Variants in THSD7A observed in about 807,000 individuals in gnomAD.
THSD7A encodes the protein thrombospondin type 1 domain containing 7A.
In THSD7A, 96 loss-of-function variants were observed where a neutral mutation model predicts 231.3. The ratio of observed to expected loss-of-function variants is 0.41; its 90% CI spans 0.35 to 0.49. THSD7A has a LOEUF of 0.49. Ranked by LOEUF, THSD7A falls within the 20% of genes least tolerant of loss-of-function variation. The pLI is 0.05. For synonymous variants in THSD7A, 940 were observed against 743.3 expected, an observed-to-expected ratio of 1.26 and a Z score of -4.30; for missense variants, 2,290 against 2,070.2, an observed-to-expected ratio of 1.11 and a Z score of -2.06.
At chr7:11,645,244 T>C (rs1481114852) in intron 1 of THSD7A, among the ~76,000 whole-genome samples, 1 of 151,856 alleles carries the variant, frequency 6.6e-6, no homozygotes, top group African/African-American at 2.4e-5. Flanking sequence ...TTGGTTTCTA[T>C]ATTTTCCAGC....
chr7:11,739,512 G>C (rs1230732047), intron 1 of THSD7A, among the ~76,000 whole-genome samples: 1 of 151,952 alleles, frequency 6.6e-6, no homozygotes, highest in African/African-American at 2.4e-5. Context: ...TTGATAGCCA[G>C]ATGAGTACCA....
chr7:11,666,610 A>C (rs1051937539), intron 1 of THSD7A, among the ~76,000 whole-genome samples: 1 of 151,998 alleles, frequency 6.6e-6, no homozygotes, highest in Admixed American at 6.6e-5. Context: ...TGAATTTATC[A>C]GAATAATAAA....
chr7:11,505,235 G>T (rs1198010877), intron 6 of THSD7A, among the ~76,000 whole-genome samples: 1 of 152,090 alleles, frequency 6.6e-6, no homozygotes, highest in East Asian at 1.9e-4. Flanking sequence ...GAAAATAATA[G>T]TTTAAGTTTT....
chr7:11,507,730 T>G (rs1787613347), intron 6 of THSD7A, among the ~76,000 whole-genome samples: 1 of 152,188 alleles, frequency 6.6e-6, no homozygotes, highest in African/African-American at 2.4e-5. Flanking sequence ...TCTGTTTATA[T>G]ATACAGTGGA....
chr7:11,718,194 A>T (rs543517057), intron 1 of THSD7A, among the ~76,000 whole-genome samples: 1 of 151,744 alleles, frequency 6.6e-6, no homozygotes, highest in South Asian at 2.1e-4. Context: ...AAATTTATGA[A>T]AGAACTAAAA....
chr7:11,612,746 C>A (rs1323219926), intron 2 of THSD7A, among the ~76,000 whole-genome samples: 2 of 152,122 alleles, frequency 1.3e-5, no homozygotes, highest in South Asian at 4.1e-4. Context: ...CATATCCTAA[C>A]CAAAACCTAA....
intron 6 of THSD7A, among the ~76,000 whole-genome samples, chr7:11,538,348 T>A (rs1199390075): frequency 6.6e-6 from 1 of 151,888 alleles, no homozygotes; most frequent in African/African-American, 2.4e-5. Context: ...GACAGCATCA[T>A]TTTTTTTGGC....
At chr7:11,601,875 A>G (rs73676041) in intron 2 of THSD7A, among the ~76,000 whole-genome samples, 7,391 of 152,276 alleles carry the variant, frequency 0.049, 531 homozygotes, top group East Asian at 0.25. Context: ...AGCCTTCAAG[A>G]GGTTAGAAAA....
intron 12 of THSD7A, 145 bp downstream of exon 12, chr7:11,447,085 A>T: frequency 1.3e-6 from 1 of 786,184 alleles, no homozygotes. Context: ...TAATGCTTTT[A>T]TCACTGCCAG....
At chr7:11,740,906 A>G (rs17165146) in intron 1 of THSD7A, among the ~76,000 whole-genome samples, 29,741 of 151,908 alleles carry the variant, frequency 0.2, 3,795 homozygotes, top group African/African-American at 0.36. Flanking sequence ...TATTTGCAGT[A>G]TTTGCTGAAT....
chr7:11,574,639 T>C (rs1323416945), intron 4 of THSD7A, among the ~76,000 whole-genome samples: 1 of 151,150 alleles, frequency 6.6e-6, no homozygotes, highest in African/African-American at 2.4e-5. Context: ...GATTTCACCA[T>C]GTTAGCCAGG....
At chr7:11,765,640 T>G (rs1783008483) in intron 1 of THSD7A, among the ~76,000 whole-genome samples, 1 of 152,184 alleles carries the variant, frequency 6.6e-6, no homozygotes, top group African/African-American at 2.4e-5. Context: ...AGTCACACAT[T>G]CTGTCACTAA....
At chr7:11,586,787 C>T (rs990489969) in intron 4 of THSD7A, among the ~76,000 whole-genome samples, 4 of 152,062 alleles carry the variant, frequency 2.6e-5, no homozygotes, top group Admixed American at 6.5e-5. Flanking sequence ...ACCTTTCCGT[C>T]TATCCATTCA....
intron 1 of THSD7A, among the ~76,000 whole-genome samples, chr7:11,658,706 C>T (rs1056361825): frequency 2.0e-5 from 3 of 151,528 alleles, no homozygotes; most frequent in Admixed American, 6.6e-5. Flanking sequence ...GATTTTATAC[C>T]CTAAAAATTC....
intron 1 of THSD7A, among the ~76,000 whole-genome samples, chr7:11,668,523 AAGAC>A (rs1363655677): frequency 8.2e-5 from 9 of 110,340 alleles, no homozygotes; most frequent in East Asian, 5.0e-4. Context: ...GAAAAAAAGA[AAGAC>A]AGAAAGAAAG....
chr7:11,704,846 G>A (rs1780714533), intron 1 of THSD7A, among the ~76,000 whole-genome samples: 1 of 150,940 alleles, frequency 6.6e-6, no homozygotes, highest in African/African-American at 2.4e-5. Context: ...TTGTGTGGTG[G>A]TTTGAGAATC....
chr7:11,659,813 A>G (rs1299437544), intron 1 of THSD7A, among the ~76,000 whole-genome samples: 2 of 151,658 alleles, frequency 1.3e-5, no homozygotes, highest in Non-Finnish European at 1.5e-5. Context: ...CAATGAGCAC[A>G]CTACCTTAAT....
chr7:11,610,386 TAGATAACC>T (rs1780883688), intron 2 of THSD7A, among the ~76,000 whole-genome samples: 1 of 152,114 alleles, frequency 6.6e-6, no homozygotes, highest in Non-Finnish European at 1.5e-5. Flanking sequence ...AAGCATGATG[TAGATAACC>T]AAACAGGAAG....
chr7:11,800,237 ACTATTCAGTCTTTAAAAACATC>A (rs757223481), intron 1 of THSD7A, among the ~76,000 whole-genome samples: 1 of 152,128 alleles, frequency 6.6e-6, no homozygotes, highest in Admixed American at 6.5e-5. Flanking sequence ...ATAACGAAAC[ACTATTCAGTCTTTAAAAACATC>A]CTATTTGAGC....
Sources: gnomAD v4.1 joint callset for allele counts (sites outside exome capture counted in the v4.1 genomes callset) on GRCh38, gnomAD v4.1.1 for gene constraint, MANE v1.5 for transcripts, NCBI Gene and HGNC (gene_info 2026-07-23, HGNC 2026-07-21) for gene names.